The following PIK3CA variants were observed in gnomAD, a reference collection of about 807,000 sequenced individuals.
PIK3CA encodes phosphatidylinositol-4,5-bisphosphate 3-kinase catalytic subunit alpha, also known as phosphatidylinositol 4,5-bisphosphate 3-kinase catalytic subunit alpha isoform.
A neutral mutation model predicts 138.2 loss-of-function variants in PIK3CA; 27 were observed. That is an observed-to-expected ratio of 0.20 (90% CI 0.14 to 0.27). PIK3CA has a LOEUF of 0.27. Ranked by LOEUF, PIK3CA falls within the 10% of genes least tolerant of loss-of-function variation. The pLI, the probability that PIK3CA is intolerant of heterozygous loss-of-function variation, is 1.00. For missense variants in PIK3CA, 544 were observed against 1,277.4 expected (o/e 0.43, Z 8.75); for synonymous variants, 358 against 413.2 (o/e 0.87, Z 1.62).
At position 179,219,265 on chromosome 3, in the gene PIK3CA, T is replaced by C. The variant is rs747601732; in HGVS notation, c.1734T>C (p.Asp578=). 4 of 1,588,520 alleles carry C rather than the reference T, an allele frequency of 2.5e-6. No homozygotes were observed. The highest frequency in any genetic ancestry group is 1.3e-5 in the African/African-American group (1 of 74,380). ...TGTCTGTTAAATGGAATTCTAGAGA[T>C]GAAGTAGCCCAGGTAAATGTATGTT... ...LLLSVKWNSR[D]EVAQMYCLVK... Residue 578 remains aspartate (D), a synonymous_variant, in exon 11 of 21, where the codon GAT becomes GAC. Transcript: ENST00000263967. This position sits in a 1 kb window ranked among gnomAD's most constrained non-coding sequence, Gnocchi z 4.2.
intron 1 of PIK3CA, among the ~76,000 whole-genome samples, chr3:179,158,164 G>A (rs944907428): frequency 9.9e-5 from 15 of 152,098 alleles, no homozygotes; most frequent in African/African-American, 3.1e-4. Flanking sequence ...AACAAGTTTA[G>A]AGTAGTTTTC....
At position 179,230,041 on chromosome 3, in the gene PIK3CA, G is replaced by A. The variant is rs1448523337; in HGVS notation, c.2704G>A (p.Ala902Thr). 1.2e-6 allele frequency: 2 copies of A among 1,613,238 alleles called. No homozygotes were observed. The highest frequency in any genetic ancestry group is 2.2e-5 in the East Asian group (1 of 44,854). ...CATTGACCTGTTTACACGTTCATGT[G>A]CTGGATACTGTGTAGCTACCTTCAT... is the stretch of plus-strand genomic sequence containing the variant. The part of the protein sequence containing the change: ...AAIDLFTRSC[A>T]GYCVATFILG... The change falls in exon 19 of 21, where the codon GCT (alanine) becomes ACT (threonine). Residue 902 changes from alanine to threonine, a missense_variant. Ala to Thr is a moderately conservative substitution (Grantham distance 58). Transcript: ENST00000263967. This position sits in a 1 kb window ranked among gnomAD's most constrained non-coding sequence, Gnocchi z 5.4.
intron 1 of PIK3CA, among the ~76,000 whole-genome samples, chr3:179,178,119 GTT>G (rs79518577): frequency 0.23 from 29,575 of 128,646 alleles, 3,574 homozygotes; most frequent in African/African-American, 0.36. Flanking sequence ...TTTTTTTTGT[GTT>G]TTTTTTTTTT....
At chr3:179,202,270 C>G (rs1724431901) in intron 4 of PIK3CA, among the ~76,000 whole-genome samples, 1 of 152,076 alleles carries the variant, frequency 6.6e-6, no homozygotes, top group Non-Finnish European at 1.5e-5. Context: ...GACAGAGTCT[C>G]ATATTGTCCA....
At chr3:179,181,996 C>G (rs1723857907) in intron 1 of PIK3CA, among the ~76,000 whole-genome samples, 2 of 152,098 alleles carry the variant, frequency 1.3e-5, no homozygotes. Flanking sequence ...TATCTCTGTC[C>G]AACCTAAAAA....
Position 179,203,581 on chromosome 3 carries a change from A to G in PIK3CA, c.851A>G (p.Asn284Ser). Residue 284 changes from asparagine to serine, a missense_variant, in exon 5 of 21, where the codon AAT (asparagine) becomes AGT (serine). By Grantham distance (46) the Asn-to-Ser change is conservative. Around this residue, in one of 14 missense-constraint regions of PIK3CA, gnomAD observed 234 missense variants for 401.3 expected, o/e 0.58. Transcript: ENST00000263967. ...RSCIMLGRMP[N>S]LMLMAKESLY... ...TGTATAATGCTTGGGAGGATGCCCA[A>G]TTTGATGTTGATGGCTAAAGAAAGC... The G allele has an allele frequency of 1.2e-6, 2 of 1,613,986 alleles. No homozygotes were observed. The highest frequency in any genetic ancestry group is 1.7e-6 in the Non-Finnish European group (2 of 1,179,958).
At chr3:179,162,744 A>G (rs1016391538) in intron 1 of PIK3CA, among the ~76,000 whole-genome samples, 2 of 152,110 alleles carry the variant, frequency 1.3e-5, no homozygotes, top group African/African-American at 2.4e-5. Flanking sequence ...CTAAAAATCT[A>G]CTTGGATGTT....
At position 179,234,931 on chromosome 3, in the gene PIK3CA, A is replaced by G. The variant is rs1448226367; in HGVS notation, c.*567A>G. The G allele has an allele frequency of 4.4e-6, 1 of 226,054 alleles. No individual in the cohort carries two copies. The highest frequency in any genetic ancestry group is 8.8e-6 in the Non-Finnish European group (1 of 113,998). The allele number at this position is 226,054 out of a possible 1,614,324, so 14.0% of individuals were successfully genotyped here. A position where few individuals can be genotyped will look rare whatever the true frequency, so the allele number is the denominator to read the frequency against. On this transcript the variant is annotated 3_prime_UTR_variant, in exon 21 of 21. Transcript: ENST00000263967. The surrounding 1 kb of genome is among the most constrained non-coding windows in gnomAD (Gnocchi z 5.1). Reference sequence around the variant, plus strand: ...AAGAAAAATGCTTGGGGTGGAAGGGACTCTTGAGATTTCACCAGAGACTTT... The same window carrying G: ...AAGAAAAATGCTTGGGGTGGAAGGGGCTCTTGAGATTTCACCAGAGACTTT...
chr3:179,202,155 C>T (rs192807534), intron 4 of PIK3CA, among the ~76,000 whole-genome samples: 1 of 152,292 alleles, frequency 6.6e-6, no homozygotes, highest in Non-Finnish European at 1.5e-5. Flanking sequence ...GCATCAGCCT[C>T]CCAGGCTCAA....
In PIK3CA at chr3:179,226,052, G is replaced by A; in HGVS notation, c.2495+12G>A. 2 of 1,454,920 alleles carry A rather than the reference G, an allele frequency of 1.4e-6. No individual in the cohort carries two copies. Among genetic ancestry groups the A allele is most frequent in the Non-Finnish European group, 1.9e-6 (2 of 1,036,702 alleles). The allele number at this position is 1,454,920 out of a possible 1,614,324, so 90.1% of individuals were successfully genotyped here. A position where few individuals can be genotyped will look rare whatever the true frequency, so the allele number is the denominator to read the frequency against. On this transcript the variant is annotated intron_variant, in intron 17 of 20. Transcript: ENST00000263967. ...GGTCTTGATCTTCGGTAGGTAACCA[G>A]TAAGGCAACCTGTATGTTGAAAGTT...
intron 1 of PIK3CA, among the ~76,000 whole-genome samples, chr3:179,163,291 G>A (rs538410685): frequency 6.6e-6 from 1 of 152,218 alleles, no homozygotes; most frequent in East Asian, 1.9e-4. Context: ...ACATTTATGT[G>A]AATGGGGAAA....
chr3:179,210,342 A>G lies in PIK3CA; in HGVS notation c.1404+4A>G. 6.3e-7 allele frequency: 1 copy of G among 1,585,056 alleles called. No homozygotes were observed. Among genetic ancestry groups the G allele is most frequent in the Middle Eastern group, 1.7e-4 (1 of 5,922 alleles). On this transcript the variant is annotated splice_donor_region_variant and intron_variant, in intron 8 of 20. Transcript: ENST00000263967. The stretch of plus-strand genomic sequence containing the variant: ...TACTGGATCAAATCCAAATAAAGTA[A>G]GGTTTTTATTGTCATAAATTAGATA...
At chr3:179,215,301 G>A (rs1724812367) in intron 9 of PIK3CA, among the ~76,000 whole-genome samples, 1 of 152,060 alleles carries the variant, frequency 6.6e-6, no homozygotes, top group African/African-American at 2.4e-5. Context: ...TTTGATGACT[G>A]TATTCTTTCT....
At chr3:179,201,755 G>A (rs923052900) in intron 4 of PIK3CA, among the ~76,000 whole-genome samples, 35 of 151,468 alleles carry the variant, frequency 2.3e-4, no homozygotes, top group Admixed American at 5.3e-4. Flanking sequence ...ACAGGCGCCC[G>A]CCACCACACC....
intron 1 of PIK3CA, among the ~76,000 whole-genome samples, chr3:179,156,083 C>G (rs1275152906): frequency 6.6e-6 from 1 of 152,118 alleles, no homozygotes; most frequent in African/African-American, 2.4e-5. Context: ...AGAAGACAGT[C>G]TAGCTCAGTT....
Position 179,204,486 on chromosome 3 carries a change from C to A in PIK3CA, c.1060-17C>A, listed in dbSNP as rs2699896. 747,970 of 1,290,704 alleles carry A rather than the reference C, an allele frequency of 0.58. 223,781 individuals are homozygous for A. Among genetic ancestry groups the A allele is most frequent in the African/African-American group, 0.86 (59,288 of 68,662 alleles). The allele number at this position is 1,290,704 out of a possible 1,614,324, so 80.0% of individuals were successfully genotyped here. A position where few individuals can be genotyped will look rare whatever the true frequency, so the allele number is the denominator to read the frequency against. On this transcript the variant is annotated splice_polypyrimidine_tract_variant and intron_variant, in intron 5 of 20. Transcript: ENST00000263967. ...GTTGAGTGTATACATTAGTATATAC[C>A]TACTTTTTTCTTTTAGATCTATGTT...
chr3:179,227,897 C>G (rs1349609061), intron 17 of PIK3CA, among the ~76,000 whole-genome samples: 1 of 151,942 alleles, frequency 6.6e-6, no homozygotes, highest in South Asian at 2.1e-4. Context: ...GCATTTGTGC[C>G]ACATCCCAAG....
intron 9 of PIK3CA, among the ~76,000 whole-genome samples, chr3:179,216,201 G>C (rs1328102285): frequency 6.6e-6 from 1 of 152,138 alleles, no homozygotes; most frequent in Non-Finnish European, 1.5e-5. Flanking sequence ...TCAGGATAAT[G>C]ATGAGTAAAG....
chr3:179,149,673 A>G (rs1722959377), intron 1 of PIK3CA: 1 of 152,110 alleles, frequency 6.6e-6, no homozygotes. Context: ...CGATGTTTTG[A>G]ATCATAGTTT....
Sources: gnomAD v4.1 joint callset for allele counts (sites outside exome capture counted in the v4.1 genomes callset) on GRCh38, gnomAD v4.1.1 for gene constraint, gnomAD v4.1.1 regional missense constraint, Gnocchi (gnomAD v3.1) non-coding constraint, MANE v1.5 for transcripts, NCBI Gene and HGNC (gene_info 2026-07-23, HGNC 2026-07-21) for gene names.